CACNA1C: variants seen among roughly 807,000 people sequenced by gnomAD.
CACNA1C encodes the protein calcium voltage-gated channel subunit alpha1 C, also known as voltage-dependent L-type calcium channel subunit alpha-1C.
CACNA1C carries 30 observed loss-of-function variants against 229.0 expected under a neutral mutation model. That is an observed-to-expected ratio of 0.13 (90% CI 0.10 to 0.18). The LOEUF is 0.18. Ranked by LOEUF, CACNA1C falls within the 10% of genes least tolerant of loss-of-function variation. The pLI, the probability that CACNA1C is intolerant of heterozygous loss-of-function variation, is 1.00. For synonymous variants in CACNA1C, 1,114 were observed against 1,132.5 expected (o/e 0.98, Z 0.33); for missense variants, 1,658 against 2,845.0 (o/e 0.58, Z 9.49).
At chr12:2,623,293 T>C (rs374451320) in intron 29 of CACNA1C, among the ~76,000 whole-genome samples, 1 of 151,872 alleles carries the variant, frequency 6.6e-6, no homozygotes, top group East Asian at 1.9e-4. Context: ...TCTGGGTCCC[T>C]GCAGAAGCTT....
At chr12:2,293,750 A>G (rs2093736626) in intron 3 of CACNA1C, among the ~76,000 whole-genome samples, 1 of 152,202 alleles carries the variant, frequency 6.6e-6, no homozygotes. Flanking sequence ...ATATGTATGT[A>G]CTTCATTTTC....
At chr12:2,588,775 C>A (rs1046402504) in intron 18 of CACNA1C, among the ~76,000 whole-genome samples, 7 of 152,160 alleles carry the variant, frequency 4.6e-5, no homozygotes, top group African/African-American at 1.7e-4. Context: ...TGAGTGGAAG[C>A]TAATTCTACT....
intron 3 of CACNA1C, among the ~76,000 whole-genome samples, chr12:2,160,789 C>G (rs1357295284): frequency 6.6e-6 from 1 of 152,238 alleles, no homozygotes; most frequent in East Asian, 1.9e-4. Flanking sequence ...GAAAGAGTAT[C>G]GATTTGGTAT....
Position 2,484,425 on chromosome 12 carries a change from C to T in CACNA1C, c.758-1679C>T, listed in dbSNP as rs555997543. On this transcript the variant is annotated intron_variant, in intron 5 of 46. Coordinates refer to ENST00000399655, the MANE Select transcript of CACNA1C (RefSeq NM_000719.7). ...GTGGAGAGGTGGGTGTAGCCAGACC[C>T]GACAGGGCCCTGTAGGGCACAGGAA... Among the ~76,000 whole-genome samples the T allele has an allele frequency of 4.5e-4, 69 of 152,230 alleles. 2 individuals carry two copies. In the South Asian group the frequency reaches 0.014, roughly 31 times the overall value.
Position 2,053,481 on chromosome 12 carries a change from G to A in CACNA1C, c.-82G>A. The A allele has an allele frequency of 6.5e-7, 1 of 1,529,588 alleles. No homozygotes were observed. Among genetic ancestry groups the A allele is most frequent in the Non-Finnish European group, 8.8e-7 (1 of 1,134,856 alleles). 94.8% of individuals were successfully genotyped at this position (1,529,588 alleles called of 1,614,324 possible). On this transcript the variant is annotated 5_prime_UTR_variant, in exon 1 of 47. Coordinates refer to ENST00000399655, the MANE Select transcript of CACNA1C (RefSeq NM_000719.7). The surrounding 1 kb of genome is among the most constrained non-coding windows in gnomAD (Gnocchi z 5.8). Reference sequence around the variant, plus strand: ...CGAAAGCCGCCGGCCTCGGAGGAGGGATTAATCCAGACCCGCCGGGGGGTG... The same window carrying A: ...CGAAAGCCGCCGGCCTCGGAGGAGGAATTAATCCAGACCCGCCGGGGGGTG...
In CACNA1C at chr12:2,651,894, G is replaced by T; in HGVS notation, c.4074+126G>T. On this transcript the variant is annotated intron_variant, in intron 32 of 46. Transcript: ENST00000399655. The surrounding 1 kb of genome is among the most constrained non-coding windows in gnomAD (Gnocchi z 5.4). ...CTCCTTCCTCTGTGTGGCAGAACTC[G>T]GCCGCTCTGCCTGGCTCCCTGTTTC... The T allele has an allele frequency of 2.7e-6, 2 of 744,268 alleles. No homozygotes were observed. Among genetic ancestry groups the T allele is most frequent in the Middle Eastern group, 3.8e-4 (1 of 2,654 alleles). 46.1% of individuals were successfully genotyped at this position (744,268 alleles called of 1,614,324 possible).
In CACNA1C at chr12:2,294,225, A is replaced by G. The variant is rs149304229; in HGVS notation, c.478-154751A>G. 4.6e-3 allele frequency among the ~76,000 whole-genome samples: 703 copies of G among 152,010 alleles called. 5 individuals are homozygous for G. Among genetic ancestry groups the G allele is most frequent in the African/African-American group, 0.016 (677 of 41,444 alleles). On this transcript the variant is annotated intron_variant, in intron 3 of 46. Coordinates refer to ENST00000399655, the MANE Select transcript of CACNA1C (RefSeq NM_000719.7). ...CTTAAAGGGGAGAGTTTCGGGGAGG[A>G]TGTATTTGAGCTTCATCTTAAAGAC...
chr12:2,501,470 C>T (rs1008882504), intron 7 of CACNA1C, among the ~76,000 whole-genome samples: 2 of 152,158 alleles, frequency 1.3e-5, no homozygotes, highest in Non-Finnish European at 2.9e-5. Context: ...CACAAGTAGG[C>T]GCTCGGTAAA....
chr12:2,541,685 C>A (rs982286676), intron 9 of CACNA1C, among the ~76,000 whole-genome samples: 1 of 152,186 alleles, frequency 6.6e-6, no homozygotes, highest in Non-Finnish European at 1.5e-5. Context: ...CCTTGGATAA[C>A]GAGCTACCAG....
Position 2,633,333 on chromosome 12 carries a change from C to T in CACNA1C, c.3829-964C>T, listed in dbSNP as rs940563759. Among the ~76,000 whole-genome samples the T allele has an allele frequency of 2.6e-5, 4 of 152,152 alleles. No homozygotes were observed. Among genetic ancestry groups the T allele is most frequent in the African/African-American group, 4.8e-5 (2 of 41,430 alleles). ...TTGCACCACCCACGCCCCCCACACC[C>T]ACTCCTGCCCCTGGTGGGACGTGGA... On this transcript the variant is annotated intron_variant, in intron 29 of 46. Coordinates refer to ENST00000399655, the MANE Select transcript of CACNA1C (RefSeq NM_000719.7). This position sits in a 1 kb window ranked among gnomAD's most constrained non-coding sequence, Gnocchi z 5.8.
chr12:2,395,520 CT>C (rs908484192), intron 3 of CACNA1C, among the ~76,000 whole-genome samples: 7 of 151,134 alleles, frequency 4.6e-5, no homozygotes, highest in African/African-American at 1.7e-4. Flanking sequence ...GGGAAAGGGG[CT>C]TTTTTTTTCA....
In CACNA1C at chr12:2,108,406, A is replaced by G. The variant is rs954685638; in HGVS notation, c.50-6818A>G. ...GCTGGCTCTGGGATCACACCGCCTT[A>G]TGCATGATCCAGGAATCAGGAAGCC... On this transcript the variant is annotated intron_variant, in intron 1 of 46. Transcript: ENST00000399655. This position sits in a 1 kb window ranked among gnomAD's most constrained non-coding sequence, Gnocchi z 5.3. 6.6e-6 allele frequency among the ~76,000 whole-genome samples: 1 copy of G among 152,212 alleles called. No homozygotes were observed. Among genetic ancestry groups the G allele is most frequent in the African/African-American group, 2.4e-5 (1 of 41,456 alleles).
chr12:2,591,798 A>G (rs1196823116), intron 18 of CACNA1C, among the ~76,000 whole-genome samples: 1 of 152,208 alleles, frequency 6.6e-6, no homozygotes. Context: ...AGGGGTCTGC[A>G]GGGCCAAGCG....
intron 9 of CACNA1C, among the ~76,000 whole-genome samples, chr12:2,546,975 G>A (rs754728652): frequency 6.6e-6 from 1 of 152,294 alleles, no homozygotes; most frequent in Non-Finnish European, 1.5e-5. Context: ...TGAAAGTTTT[G>A]CATTGTGGTC....
intron 3 of CACNA1C, among the ~76,000 whole-genome samples, chr12:2,336,608 C>T (rs936617671): frequency 1.3e-5 from 2 of 152,172 alleles, no homozygotes; most frequent in Non-Finnish European, 2.9e-5. Context: ...CAAATGAAAA[C>T]AACCGTTTAA....
intron 4 of CACNA1C, among the ~76,000 whole-genome samples, chr12:2,450,427 G>C (rs544434811): frequency 6.6e-6 from 1 of 151,504 alleles, no homozygotes; most frequent in African/African-American, 2.4e-5. Context: ...GGTGGCGGGC[G>C]CCTGTAGTCC....
chr12:2,136,926 C>T (rs1008130829), intron 3 of CACNA1C, among the ~76,000 whole-genome samples: 40 of 151,462 alleles, frequency 2.6e-4, no homozygotes, highest in African/African-American at 9.2e-4. Flanking sequence ...ACTTGAGGGA[C>T]CCTTCTCGTG....
chr12:2,456,666 C>T (rs1320810195), intron 4 of CACNA1C, among the ~76,000 whole-genome samples: 2 of 152,206 alleles, frequency 1.3e-5, no homozygotes, highest in African/African-American at 4.8e-5. Flanking sequence ...GGCCTCTGCT[C>T]AAGTGTCACC....
chr12:2,638,043 C>T (rs566326599), intron 30 of CACNA1C, among the ~76,000 whole-genome samples: 152 of 152,330 alleles, frequency 1.0e-3, no homozygotes, highest in Non-Finnish European at 1.9e-3. Context: ...ATACGTCAGG[C>T]ACCGTTTGAG....
Sources: allele counts gnomAD v4.1 joint callset (sites outside exome capture counted in the v4.1 genomes callset), GRCh38; gene constraint gnomAD v4.1.1; non-coding constraint Gnocchi (gnomAD v3.1); transcripts MANE v1.5; gene names NCBI Gene and HGNC (gene_info 2026-07-23, HGNC 2026-07-21).